Variants in P4HA2 observed in about 807,000 individuals in gnomAD.
The protein encoded by P4HA2 is prolyl 4-hydroxylase subunit alpha-2.
P4HA2 carries 46 observed loss-of-function variants against 76.9 expected under a neutral mutation model. That is an observed-to-expected ratio of 0.60 (90% CI 0.47 to 0.76). P4HA2 has a LOEUF of 0.76. P4HA2 is among the 30% of genes least tolerant of loss of function. The pLI is 0.00. For missense variants in P4HA2, 583 were observed against 669.4 expected (o/e 0.87, Z 1.42); for synonymous variants, 243 against 254.0 (o/e 0.96, Z 0.41).
At chr5:132,195,316 G>T in intron 13 of P4HA2, 96 bp downstream of exon 13, 1 of 931,040 alleles carries the variant, frequency 1.1e-6, no homozygotes. Flanking sequence ...ACATCACAGT[G>T]ACAATCAGGC....
chr5:132,222,921 G>C (rs1053227338), intron 1 of P4HA2, among the ~76,000 whole-genome samples: 3 of 152,232 alleles, frequency 2.0e-5, no homozygotes, highest in African/African-American at 7.2e-5. Context: ...TCTTGGCAGA[G>C]ACTTGGCAGT....
In P4HA2 at chr5:132,192,857, C is replaced by T; in HGVS notation, c.*153G>A. ...TGGAAGGGCTGGGACTTCAGTCACA[C>T]AGGAGTCGCCCTAGTATGGTCTCCC... On this transcript the variant is annotated 3_prime_UTR_variant, in exon 15 of 15. Transcript: ENST00000360568. The T allele has an allele frequency of 1.6e-6, 1 of 608,688 alleles. No homozygotes were observed. The highest frequency in any genetic ancestry group is 3.0e-6 in the Non-Finnish European group (1 of 333,054). 37.7% of individuals were successfully genotyped at this position (608,688 alleles called of 1,614,324 possible). A position where few individuals can be genotyped will look rare whatever the true frequency, so the allele number is the denominator to read the frequency against.
chr5:132,196,136 C>T (rs940738216), intron 12 of P4HA2, among the ~76,000 whole-genome samples: 1 of 152,156 alleles, frequency 6.6e-6, no homozygotes, highest in Admixed American at 6.5e-5. Flanking sequence ...ACTTCTTTCC[C>T]ATCTGGCTCT....
chr5:132,205,908 T>G (rs1241451771), intron 8 of P4HA2, among the ~76,000 whole-genome samples: 1 of 152,144 alleles, frequency 6.6e-6, no homozygotes, highest in Non-Finnish European at 1.5e-5. Flanking sequence ...CAGGGCTATT[T>G]TGAAAGCAGG....
intron 6 of P4HA2, among the ~76,000 whole-genome samples, 197 bp from the exon 7 acceptor site, chr5:132,209,528 A>G (rs1415369471): frequency 2.6e-5 from 4 of 152,172 alleles, no homozygotes; most frequent in Non-Finnish European, 4.4e-5. Flanking sequence ...CATACCTGCA[A>G]TCCCAGCACT....
intron 1 of P4HA2, 122 bp downstream of exon 1, chr5:132,227,667 GC>G: frequency 6.5e-6 from 1 of 152,858 alleles, no homozygotes; most frequent in Non-Finnish European, 1.5e-5. Flanking sequence ...GCGACCCCCG[GC>G]CCCGGATCCG....
At chr5:132,222,954 A>G (rs1017314417) in intron 1 of P4HA2, among the ~76,000 whole-genome samples, 1 of 152,196 alleles carries the variant, frequency 6.6e-6, no homozygotes, top group Non-Finnish European at 1.5e-5. Context: ...AACCCACAAA[A>G]GGGAACTACA....
At chr5:132,205,165 G>C (rs1356684792) in intron 8 of P4HA2, among the ~76,000 whole-genome samples, 1 of 152,220 alleles carries the variant, frequency 6.6e-6, no homozygotes, top group African/African-American at 2.4e-5. Context: ...GCACAGCATG[G>C]GTGAACTTAC....
chr5:132,195,328 G>T, intron 13 of P4HA2, 84 bp downstream of exon 13: 1 of 1,007,382 alleles, frequency 9.9e-7, no homozygotes, highest in Non-Finnish European at 1.6e-6. Context: ...CAATCAGGCA[G>T]GCCAGGTAAT....
rs987004564 is a variant in P4HA2, at chr5:132,210,609, C to G, written c.470-86G>C. 15 of 1,377,166 alleles carry G rather than the reference C, an allele frequency of 1.1e-5. No individual in the cohort carries two copies. The Middle Eastern group carries it at 7.1e-4, about 65-fold the overall frequency. 85.3% of individuals were successfully genotyped at this position (1,377,166 alleles called of 1,614,324 possible). A position where few individuals can be genotyped will look rare whatever the true frequency, so the allele number is the denominator to read the frequency against. On this transcript the variant is annotated intron_variant, in intron 5 of 14. Coordinates refer to ENST00000360568, the MANE Select transcript of P4HA2 (RefSeq NM_001017974.2). ...CCCACTTCAAGGAAAGCCTGAGCCA[C>G]TGGATAGGGGGCATCACCAAGCAGA...
At chr5:132,217,135 C>T in intron 4 of P4HA2, 62 bp downstream of exon 4, 1 of 1,526,322 alleles carries the variant, frequency 6.6e-7, no homozygotes, top group Non-Finnish European at 8.9e-7. Flanking sequence ...TCAGACACAA[C>T]AACCCAGGCA....
chr5:132,211,695 G>A (rs1341135872), intron 5 of P4HA2, among the ~76,000 whole-genome samples: 1 of 152,170 alleles, frequency 6.6e-6, no homozygotes, highest in East Asian at 1.9e-4. Flanking sequence ...CTACATTGCT[G>A]GGGCAGAGTA....
intron 1 of P4HA2, among the ~76,000 whole-genome samples, chr5:132,221,616 T>C (rs1248129153): frequency 6.6e-6 from 1 of 152,224 alleles, no homozygotes; most frequent in African/African-American, 2.4e-5. Context: ...TATGTGTATA[T>C]AGAGAGATGC....
At chr5:132,225,104 C>T (rs964295942) in intron 1 of P4HA2, among the ~76,000 whole-genome samples, 2 of 149,676 alleles carry the variant, frequency 1.3e-5, no homozygotes, top group Non-Finnish European at 3.0e-5. Context: ...GTCCGTAACA[C>T]AAAGCCCACA....
intron 1 of P4HA2, among the ~76,000 whole-genome samples, chr5:132,223,903 C>T (rs1754985511): frequency 1.3e-5 from 2 of 152,222 alleles, no homozygotes; most frequent in South Asian, 4.1e-4. Flanking sequence ...TCCAGTCCTA[C>T]TCAATAATCT....
intron 4 of P4HA2, among the ~76,000 whole-genome samples, chr5:132,214,489 G>A (rs1231850884): frequency 6.6e-6 from 1 of 152,090 alleles, no homozygotes; most frequent in Non-Finnish European, 1.5e-5. Context: ...AGGGTAATTG[G>A]GCTAGTCAGG....
rs1753493622 is a variant in P4HA2, at chr5:132,213,981, G to A, written c.404C>T (p.Ala135Val). Residue 135 changes from alanine to valine, a missense_variant, in exon 5 of 15, where the codon GCC becomes GTC. By Grantham distance (64) the Ala-to-Val change is moderately conservative (BLOSUM62 0). Transcript: ENST00000360568. ...GTATGTGTCCTGAAGTCTCATCAGGGCTTTGGCAGCTCCTATCTCGTCCTC... is the reference window on the plus strand; with the variant it reads ...GTATGTGTCCTGAAGTCTCATCAGGACTTTGGCAGCTCCTATCTCGTCCTC... ...TDEDEIGAAK[A>V]LMRLQDTYRL... The A allele has an allele frequency of 2.5e-6, 4 of 1,613,802 alleles. No individual in the cohort carries two copies. Among genetic ancestry groups the A allele is most frequent in the African/African-American group, 1.3e-5 (1 of 74,932 alleles).
At position 132,217,262 on chromosome 5, in the gene P4HA2, A is replaced by T. The variant is rs200971629; in HGVS notation, c.266T>A (p.Leu89Gln). ...YLAHPVNAYK[L>Q]VKRLNTDWPA... ...CCAGTCTGTGTTTAGCCGCTTCACC[A>T]GTTTGTAGGCATTCACAGGGTGAGC... is the stretch of plus-strand genomic sequence containing the variant. The change falls in exon 4 of 15, where the codon CTG becomes CAG. Residue 89 changes from leucine to glutamine, a missense_variant. By Grantham distance (113) the Leu-to-Gln change is moderately radical. Coordinates refer to ENST00000360568, the MANE Select transcript of P4HA2 (RefSeq NM_001017974.2). The T allele has an allele frequency of 4.3e-6, 7 of 1,614,140 alleles. No individual in the cohort carries two copies. The highest frequency in any genetic ancestry group is 5.1e-6 in the Non-Finnish European group (6 of 1,179,992).
At chr5:132,210,247 T>G in intron 6 of P4HA2, 37 bp downstream of exon 6, 1 of 1,611,944 alleles carries the variant, frequency 6.2e-7, no homozygotes, top group South Asian at 1.1e-5. Context: ...TCTGCCACTC[T>G]CCATTCCCAT....
Sources: gnomAD v4.1 joint callset for allele counts (sites outside exome capture counted in the v4.1 genomes callset) on GRCh38, gnomAD v4.1.1 for gene constraint, MANE v1.5 for transcripts, NCBI Gene and HGNC (gene_info 2026-07-23, HGNC 2026-07-21) for gene names.